Variants in YWHAZ observed in about 807,000 individuals in gnomAD.
YWHAZ encodes 14-3-3 protein zeta/delta.
For synonymous variants in YWHAZ, 87 were observed against 103.6 expected (o/e 0.84, Z 0.97); for missense variants, 79 against 284.8 (o/e 0.28, Z 5.20).
rs564003645 is a variant in YWHAZ, at chr8:100,948,430, A to G, written c.294+166T>C. 1.3e-5 allele frequency among the ~76,000 whole-genome samples: 2 copies of G among 152,368 alleles called. No individual in the cohort carries two copies. The highest frequency in any genetic ancestry group is 4.8e-5 in the African/African-American group (2 of 41,598). On this transcript the variant is annotated intron_variant, in intron 2 of 5. Transcript: ENST00000395958. This position sits in a 1 kb window ranked among gnomAD's most constrained non-coding sequence, Gnocchi z 4.2. ...GCAATTATTTTACATACACGTATCT[A>G]TAATTGTCTTAACATCTTTTTAGTC...
intron 2 of YWHAZ, among the ~76,000 whole-genome samples, chr8:100,927,915 T>C (rs1813474744): frequency 1.3e-5 from 2 of 152,320 alleles, no homozygotes; most frequent in South Asian, 4.1e-4. Context: ...TCAGGCTGCT[T>C]ACTGGCCTAA....
At chr8:100,928,288 AG>A (rs1353720403) in intron 2 of YWHAZ, among the ~76,000 whole-genome samples, 5 of 151,872 alleles carry the variant, frequency 3.3e-5, no homozygotes, top group African/African-American at 1.2e-4. Flanking sequence ...TCAAAAAAAA[AG>A]AGTTGAGAAA....
In YWHAZ at chr8:100,950,664, G is replaced by GC. The variant is rs1217579658; in HGVS notation, c.-12+1264_-12+1265insG. 251 of 909,408 alleles carry GC rather than the reference G, an allele frequency of 2.8e-4. 3 individuals are homozygous for GC. The highest frequency in any genetic ancestry group is 3.1e-4 in the Non-Finnish European group (236 of 761,124). The allele number at this position is 909,408 out of a possible 1,614,324, so 56.3% of individuals were successfully genotyped here. On this transcript the variant is annotated intron_variant, in intron 1 of 5. Coordinates refer to ENST00000395958, the MANE Select transcript of YWHAZ (RefSeq NM_145690.3). ...GCGCCCCCGCCCAAGCCGTGGGGGG[G>GC]GGGGAGAGATGGGGAGCGAAGCCGC...
At chr8:100,930,741 C>T (rs1221762296) in intron 2 of YWHAZ, among the ~76,000 whole-genome samples, 1 of 152,072 alleles carries the variant, frequency 6.6e-6, no homozygotes, top group African/African-American at 2.4e-5. Flanking sequence ...CATAGCTTGC[C>T]CTGCTCCCAT....
intron 1 of YWHAZ, among the ~76,000 whole-genome samples, chr8:100,950,186 G>A (rs928206192): frequency 6.6e-6 from 1 of 152,122 alleles, no homozygotes; most frequent in African/African-American, 2.4e-5. Flanking sequence ...CATTATTTTC[G>A]TCAGGTCTCT....
At chr8:100,942,957 A>G (rs1276248087) in intron 2 of YWHAZ, among the ~76,000 whole-genome samples, 2 of 152,192 alleles carry the variant, frequency 1.3e-5, no homozygotes, top group Non-Finnish European at 2.9e-5. Flanking sequence ...TCATTTTCCT[A>G]TTTGGCAATG....
intron 1 of YWHAZ, chr8:100,951,351 G>A (rs1810757293): frequency 1.0e-6 from 1 of 984,616 alleles, no homozygotes; most frequent in African/African-American, 1.8e-5. Context: ...GCCTCCCGGG[G>A]TGGGGGAGGG....
intron 2 of YWHAZ, among the ~76,000 whole-genome samples, chr8:100,929,141 T>C (rs1469756144): frequency 1.3e-5 from 2 of 152,164 alleles, no homozygotes; most frequent in Non-Finnish European, 2.9e-5. Context: ...TATTGATACA[T>C]GCATACAATA....
intron 2 of YWHAZ, among the ~76,000 whole-genome samples, chr8:100,926,999 C>T (rs1813409920): frequency 6.6e-6 from 1 of 152,186 alleles, no homozygotes; most frequent in Non-Finnish European, 1.5e-5. Context: ...CAGCACTATA[C>T]ACCGTGTGAA....
At chr8:100,936,065 A>G (rs998693499) in intron 2 of YWHAZ, among the ~76,000 whole-genome samples, 3 of 152,230 alleles carry the variant, frequency 2.0e-5, no homozygotes, top group African/African-American at 7.2e-5. Flanking sequence ...TCAGTCCTGA[A>G]GAATAGCCAA....
chr8:100,923,836 C>T, intron 5 of YWHAZ, 119 bp downstream of exon 5: 1 of 688,844 alleles, frequency 1.5e-6, no homozygotes, highest in Non-Finnish European at 2.4e-6. Flanking sequence ...TTATGAGAGC[C>T]TATGAAATGT....
chr8:100,950,544 T>C, intron 1 of YWHAZ: 3 of 985,176 alleles, frequency 3.0e-6, no homozygotes, highest in Non-Finnish European at 3.6e-6. Context: ...TCCCCGACTC[T>C]CCTCCTTTGT....
chr8:100,939,025 G>C (rs1203445313), intron 2 of YWHAZ, among the ~76,000 whole-genome samples: 1 of 152,164 alleles, frequency 6.6e-6, no homozygotes, highest in Non-Finnish European at 1.5e-5. Flanking sequence ...TCCATTAATA[G>C]ATGGCAAATC....
At chr8:100,921,336 T>G (rs1813012650) in intron 5 of YWHAZ, among the ~76,000 whole-genome samples, 1 of 152,056 alleles carries the variant, frequency 6.6e-6, no homozygotes, top group Non-Finnish European at 1.5e-5. Context: ...GGCCCTAAAT[T>G]ATTTTTTAAA....
chr8:100,931,539 A>T (rs1271981664), intron 2 of YWHAZ, among the ~76,000 whole-genome samples: 1 of 152,238 alleles, frequency 6.6e-6, no homozygotes, highest in African/African-American at 2.4e-5. Context: ...TGCAAATCGT[A>T]TAAACTCTAA....
chr8:100,926,105 A>G (rs1813342167), intron 2 of YWHAZ, among the ~76,000 whole-genome samples: 1 of 152,170 alleles, frequency 6.6e-6, no homozygotes, highest in Non-Finnish European at 1.5e-5. Flanking sequence ...ATAAATTTGA[A>G]AAATGCTTTT....
At chr8:100,927,147 G>A (rs1813420849) in intron 2 of YWHAZ, among the ~76,000 whole-genome samples, 1 of 152,202 alleles carries the variant, frequency 6.6e-6, no homozygotes, top group African/African-American at 2.4e-5. Flanking sequence ...CAGACACCAT[G>A]CTAGAAGCTG....
At position 100,920,709 on chromosome 8, in the gene YWHAZ, T is replaced by C. The variant is rs1812944406; in HGVS notation, c.722A>G (p.Glu241Gly). Reference sequence around the variant, plus strand: ...GAAGGCCGGTTAATTTTCCCCTCCTTCTCCTGCTTCAGCTTCGTCTCCTTG... The same window carrying C: ...GAAGGCCGGTTAATTTTCCCCTCCTCCTCCTGCTTCAGCTTCGTCTCCTTG... ...DTQGDEAEAGEGGEN is the reference protein window; with the variant it reads ...DTQGDEAEAGGGGEN The change falls in exon 6 of 6, where the codon GAA becomes GGA. Residue 241 changes from glutamate to glycine, a missense_variant. Transcript: ENST00000395958. The C allele has an allele frequency of 6.4e-7, 1 of 1,561,482 alleles. No individual in the cohort carries two copies. Among genetic ancestry groups the C allele is most frequent in the Non-Finnish European group, 8.7e-7 (1 of 1,148,890 alleles).
At chr8:100,936,454 TGAG>T (rs1241255639) in intron 2 of YWHAZ, among the ~76,000 whole-genome samples, 6 of 152,122 alleles carry the variant, frequency 3.9e-5, no homozygotes, top group Admixed American at 3.3e-4. Context: ...TATAATGCAG[TGAG>T]GAGGACACCA....
Sources: allele counts gnomAD v4.1 joint callset (sites outside exome capture counted in the v4.1 genomes callset), GRCh38; gene constraint gnomAD v4.1.1; non-coding constraint Gnocchi (gnomAD v3.1); transcripts MANE v1.5; gene names NCBI Gene and HGNC (gene_info 2026-07-23, HGNC 2026-07-21).